The following CSMD1 variants were observed in gnomAD, a reference collection of about 807,000 sequenced individuals.
CSMD1 encodes CUB and Sushi multiple domains 1, also known as CUB and sushi domain-containing protein 1.
In CSMD1, 213 loss-of-function variants were observed where a neutral mutation model predicts 417.5. That is an observed-to-expected ratio of 0.51 (90% confidence interval 0.46 to 0.57). CSMD1 has a LOEUF of 0.57. Among genes scored for constraint, CSMD1 ranks in the 20% least tolerant of loss-of-function variants. CSMD1 has a pLI of 0.00. For missense variants in CSMD1, 6,923 were observed against 4,529.7 expected (o/e 1.53, Z -15.17); for synonymous variants, 2,862 against 1,736.8 (o/e 1.65, Z -16.11).
At chr8:4,877,179 C>T (rs1332858614) in intron 1 of CSMD1, among the ~76,000 whole-genome samples, 7 of 152,002 alleles carry the variant, frequency 4.6e-5, no homozygotes, top group Admixed American at 2.6e-4. Flanking sequence ...TGTCTTTTGA[C>T]AATGGCCCCT....
intron 14 of CSMD1, 148 bp from the exon 15 acceptor site, chr8:3,406,369 T>C (rs1812343710): frequency 2.2e-6 from 1 of 462,960 alleles, no homozygotes; most frequent in African/African-American, 2.1e-5. Context: ...CATAGATAGA[T>C]AATACATTAA....
chr8:4,849,443 T>C (rs1162270759), intron 1 of CSMD1, among the ~76,000 whole-genome samples: 1 of 152,008 alleles, frequency 6.6e-6, no homozygotes. Context: ...TGTACAACGG[T>C]TGTAAAGTCC....
intron 25 of CSMD1, among the ~76,000 whole-genome samples, chr8:3,292,005 C>T (rs1406952292): frequency 1.3e-5 from 2 of 151,554 alleles, no homozygotes; most frequent in Non-Finnish European, 2.9e-5. Context: ...TGAATGTGTC[C>T]CAGAGATTCT....
intron 5 of CSMD1, among the ~76,000 whole-genome samples, chr8:3,933,175 T>C (rs892846513): frequency 1.3e-5 from 2 of 151,964 alleles, no homozygotes; most frequent in Admixed American, 6.6e-5. Context: ...TCCGTGGTAA[T>C]ACCTAGTGAA....
chr8:3,508,989 C>A (rs911106550), intron 10 of CSMD1, among the ~76,000 whole-genome samples: 2 of 152,192 alleles, frequency 1.3e-5, no homozygotes, highest in African/African-American at 4.8e-5. Context: ...GTGAGAATAT[C>A]TCAGTGCAAA....
At chr8:4,117,402 C>T (rs999935792) in intron 3 of CSMD1, among the ~76,000 whole-genome samples, 1 of 151,188 alleles carries the variant, frequency 6.6e-6, no homozygotes, top group Non-Finnish European at 1.5e-5. Context: ...CAAGCTGAAC[C>T]TCTGCCTGCC....
chr8:4,883,068 G>C (rs889634786), intron 1 of CSMD1, among the ~76,000 whole-genome samples: 15 of 152,010 alleles, frequency 9.9e-5, no homozygotes, highest in African/African-American at 3.4e-4. Context: ...TTACTTAAGA[G>C]CACTAGCAGA....
intron 1 of CSMD1, among the ~76,000 whole-genome samples, chr8:4,957,382 G>C (rs1809189884): frequency 6.6e-6 from 1 of 152,172 alleles, no homozygotes; most frequent in Non-Finnish European, 1.5e-5. Flanking sequence ...TGTTCAAAAA[G>C]CAATGAAACA....
intron 1 of CSMD1, among the ~76,000 whole-genome samples, chr8:4,819,744 T>C (rs181398603): frequency 3.3e-5 from 5 of 152,222 alleles, no homozygotes; most frequent in East Asian, 3.9e-4. Context: ...AAAATGCTCA[T>C]GTAGAGAGGG....
chr8:3,664,061 T>C (rs567564016), intron 7 of CSMD1, among the ~76,000 whole-genome samples: 3 of 152,350 alleles, frequency 2.0e-5, no homozygotes, highest in African/African-American at 4.8e-5. Context: ...CTTTAAGTTC[T>C]AGGGTACATG....
chr8:3,729,956 A>AAAAAAC (rs796462110), intron 6 of CSMD1, among the ~76,000 whole-genome samples: 3 of 12,144 alleles, frequency 2.5e-4, no homozygotes, highest in African/African-American at 4.1e-4. Context: ...AAAAAAAAAA[A>AAAAAAC]AAAAACAAAA....
At position 4,440,950 on chromosome 8, in the gene CSMD1, T is replaced by A. The variant is rs527360034; in HGVS notation, c.303-20885A>T. Among the ~76,000 whole-genome samples the A allele has an allele frequency of 2.6e-5, 4 of 151,218 alleles. No homozygotes were observed. In the East Asian group the frequency reaches 7.8e-4, roughly 29 times the overall value. On this transcript the variant is annotated intron_variant, in intron 2 of 69. Transcript: ENST00000635120. ...AGGCGGAGGTTGCAGCGAGCCGAGA[T>A]CATGCCACTGCACTTCAGCCTAGAT...
chr8:3,994,368 C>G (rs991274366), intron 5 of CSMD1, among the ~76,000 whole-genome samples: 5 of 146,664 alleles, frequency 3.4e-5, no homozygotes, highest in Admixed American at 7.0e-5. Flanking sequence ...AGAGGGAGAA[C>G]TCAGAAATGA....
intron 25 of CSMD1, among the ~76,000 whole-genome samples, chr8:3,300,678 C>T (rs991493984): frequency 6.6e-6 from 1 of 151,970 alleles, no homozygotes; most frequent in Non-Finnish European, 1.5e-5. Context: ...TAGAAATGGC[C>T]AGGCCTGGTG....
intron 1 of CSMD1, among the ~76,000 whole-genome samples, chr8:4,689,223 T>A (rs1806597858): frequency 6.6e-6 from 1 of 152,182 alleles, no homozygotes; most frequent in Non-Finnish European, 1.5e-5. Flanking sequence ...TGTGAGGTGA[T>A]TTTGCATGTA....
intron 8 of CSMD1, among the ~76,000 whole-genome samples, chr8:3,602,744 C>CAT (rs921759232): frequency 6.6e-6 from 1 of 151,530 alleles, no homozygotes; most frequent in African/African-American, 2.4e-5. Flanking sequence ...CACACACACA[C>CAT]ACACAGAAAA....
intron 3 of CSMD1, among the ~76,000 whole-genome samples, chr8:4,042,221 T>A (rs1057140572): frequency 2.0e-5 from 3 of 152,108 alleles, no homozygotes; most frequent in African/African-American, 7.2e-5. Context: ...GAGCACCATA[T>A]CACACATGTC....
At chr8:4,434,450 C>G (rs1255877888) in intron 2 of CSMD1, among the ~76,000 whole-genome samples, 5 of 152,048 alleles carry the variant, frequency 3.3e-5, no homozygotes, top group African/African-American at 1.2e-4. Flanking sequence ...GCTTTGTGAC[C>G]CATCCTATGA....
At chr8:4,802,236 T>C (rs1798330528) in intron 1 of CSMD1, among the ~76,000 whole-genome samples, 1 of 152,150 alleles carries the variant, frequency 6.6e-6, no homozygotes, top group Non-Finnish European at 1.5e-5. Flanking sequence ...AAACTAGTAG[T>C]GTTTGCCCTT....
Sources: allele counts gnomAD v4.1 joint callset (sites outside exome capture counted in the v4.1 genomes callset), GRCh38; gene constraint gnomAD v4.1.1; transcripts MANE v1.5; gene names NCBI Gene and HGNC (gene_info 2026-07-23, HGNC 2026-07-21).